DYNC2H1: variants seen among roughly 807,000 people sequenced by gnomAD.
The protein encoded by DYNC2H1 is cytoplasmic dynein 2 heavy chain 1.
In DYNC2H1, 410 loss-of-function variants were observed where a neutral mutation model predicts 570.0. The observed-to-expected ratio is 0.72, with a 90% CI of 0.66 to 0.78. The LOEUF is 0.78. DYNC2H1 is among the 30% of genes least tolerant of loss of function. The pLI, the probability that DYNC2H1 is intolerant of heterozygous loss-of-function variation, is 0.00. For synonymous variants in DYNC2H1, 1,688 were observed against 1,677.6 expected (o/e 1.01, Z -0.15); for missense variants, 4,865 against 5,046.4 (o/e 0.96, Z 1.09).
chr11:103,414,327 T>G (rs1360648447), intron 84 of DYNC2H1, among the ~76,000 whole-genome samples: 1 of 152,126 alleles, frequency 6.6e-6, no homozygotes, highest in Non-Finnish European at 1.5e-5. Flanking sequence ...TTCCTTGAAA[T>G]AAATTCACCA....
Position 103,268,490 on chromosome 11 carries a change from T to A in DYNC2H1, c.10695+8513T>A, listed in dbSNP as rs1865588444. On this transcript the variant is annotated intron_variant, in intron 70 of 88. Transcript: ENST00000375735. The surrounding 1 kb of genome is among the most constrained non-coding windows in gnomAD (Gnocchi z 4.6). Reference sequence around the variant, plus strand: ...TTATACTTCTAGGTTGTTAGATTTGTATGAGTAGTTTTTTTAAATGTAGTT... The same window carrying A: ...TTATACTTCTAGGTTGTTAGATTTGAATGAGTAGTTTTTTTAAATGTAGTT... 6.6e-6 allele frequency among the ~76,000 whole-genome samples: 1 copy of A among 152,132 alleles called. No homozygotes were observed. Among genetic ancestry groups the A allele is most frequent in the Non-Finnish European group, 1.5e-5 (1 of 67,884 alleles).
In DYNC2H1 at chr11:103,286,342, G is replaced by C; in HGVS notation, c.10978G>C (p.Glu3660Gln). 2 of 1,613,670 alleles carry C rather than the reference G, an allele frequency of 1.2e-6. No individual in the cohort carries two copies. Among genetic ancestry groups the C allele is most frequent in the Non-Finnish European group, 1.7e-6 (2 of 1,179,772 alleles). Reference sequence around the variant, plus strand: ...TTATAATAATTCAATGTGTGAGCAAGAGTTTCCATCTATCCTTGCAAAGAA... The same window carrying C: ...TTATAATAATTCAATGTGTGAGCAACAGTTTCCATCTATCCTTGCAAAGAA... Reference protein sequence around the residue: ...TYYNNSMCEQEFPSILAKKVS... With the variant: ...TYYNNSMCEQQFPSILAKKVS... The change falls in exon 74 of 89, where the codon GAG (glutamate) becomes CAG (glutamine). Residue 3660 changes from glutamate to glutamine, a missense_variant. Around this residue, in one of 5 missense-constraint regions of DYNC2H1, gnomAD observed 2,401 missense variants for 2,454.6 expected, o/e 0.98. Coordinates refer to ENST00000375735, the MANE Select transcript of DYNC2H1 (RefSeq NM_001377.3).
At chr11:103,440,715 G>A (rs1407688545) in intron 85 of DYNC2H1, among the ~76,000 whole-genome samples, 2 of 152,086 alleles carry the variant, frequency 1.3e-5, no homozygotes, top group Non-Finnish European at 2.9e-5. Flanking sequence ...CTACAATCTA[G>A]AACCACTTAG....
chr11:103,334,231 A>AT lies in DYNC2H1; in HGVS notation c.12039+10243dup, dbSNP rs1324593020. ...ATTCCTGAGGCAAACACAATAATCT[A>AT]TTCTAGTCTCTTCACCAGGTAGCTG... On this transcript the variant is annotated intron_variant, in intron 82 of 88. Coordinates refer to ENST00000375735, the MANE Select transcript of DYNC2H1 (RefSeq NM_001377.3). This position sits in a 1 kb window ranked among gnomAD's most constrained non-coding sequence, Gnocchi z 4.3. Among the ~76,000 whole-genome samples the AT allele has an allele frequency of 6.6e-5, 10 of 152,308 alleles. No homozygotes were observed. In the East Asian group the frequency reaches 1.9e-3, roughly 29 times the overall value.
At chr11:103,440,595 C>T (rs1464308369) in intron 85 of DYNC2H1, among the ~76,000 whole-genome samples, 1 of 152,064 alleles carries the variant, frequency 6.6e-6, no homozygotes, top group Non-Finnish European at 1.5e-5. Flanking sequence ...TAGTAAATAC[C>T]ACTTAGCATG....
chr11:103,433,602 GT>G (rs1452725722), intron 84 of DYNC2H1, among the ~76,000 whole-genome samples: 1 of 152,040 alleles, frequency 6.6e-6, no homozygotes, highest in East Asian at 1.9e-4. Flanking sequence ...TAAGAGTCAT[GT>G]TTAAAAACTG....
In DYNC2H1 at chr11:103,181,941, T is replaced by G; in HGVS notation, c.6477+55T>G. 3 of 1,548,642 alleles carry G rather than the reference T, an allele frequency of 1.9e-6. No homozygotes were observed. The highest frequency in any genetic ancestry group is 2.6e-6 in the Non-Finnish European group (3 of 1,142,650). On this transcript the variant is annotated intron_variant, in intron 40 of 88. Coordinates refer to ENST00000375735, the MANE Select transcript of DYNC2H1 (RefSeq NM_001377.3). The surrounding 1 kb of genome is among the most constrained non-coding windows in gnomAD (Gnocchi z 5.0). ...TCGAGGTGAGAAGTATGATTAAGAG[T>G]GATGCTTATTTTAACTTCCTTGTGG...
At chr11:103,220,134 A>AGAATATTT in intron 56 of DYNC2H1, 106 bp downstream of exon 56, 1 of 607,310 alleles carries the variant, frequency 1.6e-6, no homozygotes. Flanking sequence ...TAGTATTATA[A>AGAATATTT]AATGTGGTTT....
chr11:103,327,746 T>C (rs1938570778), intron 82 of DYNC2H1, among the ~76,000 whole-genome samples: 3 of 152,168 alleles, frequency 2.0e-5, no homozygotes, highest in African/African-American at 7.2e-5. Flanking sequence ...ACAGAACTTA[T>C]TTTGCTCCTG....
rs1860898611 is a variant in DYNC2H1, at chr11:103,157,683, G to A, written c.4127+913G>A. On this transcript the variant is annotated intron_variant, in intron 26 of 88. Coordinates refer to ENST00000375735, the MANE Select transcript of DYNC2H1 (RefSeq NM_001377.3). The surrounding 1 kb of genome is among the most constrained non-coding windows in gnomAD (Gnocchi z 4.2). ...ACTACGCACATTAACCTTCTGACTTGCTCTTGTATAATATAAGTTTTTCAC... is the reference window on the plus strand; with the variant it reads ...ACTACGCACATTAACCTTCTGACTTACTCTTGTATAATATAAGTTTTTCAC... Among the ~76,000 whole-genome samples, 1 of 152,112 alleles carries A rather than the reference G, an allele frequency of 6.6e-6. No homozygotes were observed. Among genetic ancestry groups the A allele is most frequent in the African/African-American group, 2.4e-5 (1 of 41,416 alleles).
At chr11:103,285,424 C>CT (rs60667279) in intron 73 of DYNC2H1, among the ~76,000 whole-genome samples, 102,917 of 136,016 alleles carry the variant, frequency 0.76, 40,330 homozygotes, top group Non-Finnish European at 0.84. Context: ...TTTTTCTTTT[C>CT]TTTTTTTTTT....
At chr11:103,396,841 T>C (rs1373345808) in intron 83 of DYNC2H1, among the ~76,000 whole-genome samples, 1 of 152,174 alleles carries the variant, frequency 6.6e-6, no homozygotes, top group Non-Finnish European at 1.5e-5. Flanking sequence ...TGGGTGGAGC[T>C]GAAGGCCATT....
chr11:103,323,936 C>A lies in DYNC2H1; in HGVS notation c.11985C>A (p.Phe3995Leu). The A allele has an allele frequency of 6.2e-7, 1 of 1,613,002 alleles. No individual in the cohort carries two copies. Among genetic ancestry groups the A allele is most frequent in the Non-Finnish European group, 8.5e-7 (1 of 1,179,332 alleles). The change falls in exon 82 of 89, where the codon TTC becomes TTA. Residue 3995 changes from phenylalanine to leucine, a missense_variant. Phe to Leu is a conservative substitution (Grantham distance 22). Coordinates refer to ENST00000375735, the MANE Select transcript of DYNC2H1 (RefSeq NM_001377.3). ...TTCCAGAGGACGACAAACCTAGTTT[C>A]TTTGGTCTGCCTGCCAATATCGCTC... ...EKIPEDDKPS[F>L]FGLPANIARS...
Position 103,174,161 on chromosome 11 carries a change from A to T in DYNC2H1, c.5665A>T (p.Thr1889Ser). The T allele has an allele frequency of 6.4e-7, 1 of 1,571,114 alleles. No homozygotes were observed. The highest frequency in any genetic ancestry group is 1.8e-5 in the Admixed American group (1 of 54,292). The stretch of plus-strand genomic sequence containing the variant: ...TAGACAGCTAAACAAAAGTGGCACT[A>T]CACAGAATGGTATGATTGATTATTC... The part of the protein sequence containing the change: ...LLRQLNKSGT[T>S]QNANESHIVV... Residue 1889 changes from threonine to serine, a missense_variant, in exon 36 of 89, where the codon ACA (threonine) becomes TCA (serine). Physicochemically the swap from Thr to Ser is moderately conservative, Grantham distance 58 (BLOSUM62 1). Transcript: ENST00000375735.
chr11:103,172,005 A>G (rs1555055806), intron 34 of DYNC2H1, among the ~76,000 whole-genome samples: 1 of 152,220 alleles, frequency 6.6e-6, no homozygotes, highest in East Asian at 1.9e-4. Flanking sequence ...TTTTTTATAT[A>G]ATGTGGATTG....
chr11:103,186,457 T>C lies in DYNC2H1; in HGVS notation c.6849T>C (p.Thr2283=). The change falls in exon 42 of 89, where the codon ACT becomes ACC. Residue 2283 remains threonine (T), a synonymous_variant. Transcript: ENST00000375735. The surrounding 1 kb of genome is among the most constrained non-coding windows in gnomAD (Gnocchi z 4.5). ...TCAAACCATGGTTAAGTTCTGATAC[T>C]AAACAGCCCTTTATTCTGGTAGGAC... ...DYFKPWLSSD[T]KQPFILVGPE... 1.2e-6 allele frequency: 2 copies of C among 1,612,382 alleles called. No individual in the cohort carries two copies. Among genetic ancestry groups the C allele is most frequent in the East Asian group, 2.2e-5 (1 of 44,808 alleles).
intron 78 of DYNC2H1, among the ~76,000 whole-genome samples, chr11:103,309,168 A>ATTTTTTTTTTTTTTTTTCTTTTT (rs1867446628): frequency 1.8e-5 from 1 of 54,620 alleles, no homozygotes; most frequent in African/African-American, 6.4e-5. Context: ...ACTGCATGCT[A>ATTTTTTTTTTTTTTTTTCTTTTT]TTTTTTTTTT....
intron 88 of DYNC2H1, among the ~76,000 whole-genome samples, chr11:103,477,242 T>C (rs1945579585): frequency 6.6e-6 from 1 of 152,142 alleles, no homozygotes; most frequent in Non-Finnish European, 1.5e-5. Context: ...TATACTAGAG[T>C]GTTTTGTCAA....
chr11:103,349,558 A>G (rs1939939572), intron 82 of DYNC2H1, among the ~76,000 whole-genome samples: 1 of 152,168 alleles, frequency 6.6e-6, no homozygotes, highest in Non-Finnish European at 1.5e-5. Flanking sequence ...TATGCACAAA[A>G]TATGAATATA....
Sources: gnomAD v4.1 joint callset for allele counts (sites outside exome capture counted in the v4.1 genomes callset) on GRCh38, gnomAD v4.1.1 for gene constraint, gnomAD v4.1.1 regional missense constraint, Gnocchi (gnomAD v3.1) non-coding constraint, MANE v1.5 for transcripts, NCBI Gene and HGNC (gene_info 2026-07-23, HGNC 2026-07-21) for gene names.